The following DDC variants were observed in gnomAD, a reference collection of about 807,000 sequenced individuals.
DDC encodes the protein dopa decarboxylase, also known as aromatic-L-amino-acid decarboxylase.
Under a neutral mutation model 60.0 loss-of-function variants are expected in DDC, and 43 were observed. The ratio of observed to expected loss-of-function variants is 0.72; its 90% CI spans 0.56 to 0.92. The LOEUF (loss-of-function observed/expected upper bound fraction) is 0.92, where lower values mean the gene tolerates loss of function less well. Ranked by LOEUF, DDC falls within the 40% of genes least tolerant of loss-of-function variation. DDC has a pLI of 0.00. For synonymous variants in DDC, 232 were observed against 234.6 expected (o/e 0.99, Z 0.10); for missense variants, 573 against 620.2 (o/e 0.92, Z 0.81).
intron 1 of DDC, among the ~76,000 whole-genome samples, chr7:50,553,400 C>T (rs1400366671): frequency 2.6e-5 from 4 of 151,868 alleles, no homozygotes; most frequent in Non-Finnish European, 4.4e-5. Context: ...CAAGCATATA[C>T]TTATAAATCC....
intron 12 of DDC, among the ~76,000 whole-genome samples, chr7:50,468,846 A>T (rs1421179593): frequency 6.6e-6 from 1 of 152,044 alleles, no homozygotes; most frequent in Non-Finnish European, 1.5e-5. Flanking sequence ...AGAGAGAGCC[A>T]GCAGAACAGC....
intron 14 of DDC, among the ~76,000 whole-genome samples, chr7:50,462,790 G>GTTTTTGA (rs200827891): frequency 1.9e-5 from 1 of 52,684 alleles, no homozygotes; most frequent in African/African-American, 6.9e-5. Flanking sequence ...TTTTTTTTTT[G>GTTTTTGA]GACTGAGTCC....
At chr7:50,542,306 T>C (rs2044659080) in intron 2 of DDC, 1 of 152,214 alleles carries the variant, frequency 6.6e-6, no homozygotes, top group Non-Finnish European at 1.5e-5. Flanking sequence ...AGCAGCCCTG[T>C]GGCTGACTAG....
At position 50,495,426 on chromosome 7, in the gene DDC, G is replaced by A; in HGVS notation, c.877-9C>T. 1 of 1,598,326 alleles carries A rather than the reference G, an allele frequency of 6.3e-7. No individual in the cohort carries two copies. The highest frequency in any genetic ancestry group is 8.6e-7 in the Non-Finnish European group (1 of 1,166,600). On this transcript the variant is annotated splice_polypyrimidine_tract_variant and intron_variant, in intron 8 of 14. Coordinates refer to ENST00000444124, the MANE Select transcript of DDC (RefSeq NM_001082971.2). ...TTGAATGAATCTGCAAACTGCCAAA[G>A]AACAAGAGTAAGAAAAAGAAAACAT...
At position 50,522,597 on chromosome 7, in the gene DDC, C is replaced by T. The variant is rs148094020; in HGVS notation, c.714+5540G>A. Among the ~76,000 whole-genome samples, 690 of 152,218 alleles carry T rather than the reference C, an allele frequency of 4.5e-3. 3 individuals carry two copies. Among genetic ancestry groups the T allele is most frequent in the Non-Finnish European group, 7.8e-3 (528 of 68,004 alleles). On this transcript the variant is annotated intron_variant, in intron 6 of 14. Transcript: ENST00000444124. Reference sequence around the variant, plus strand: ...TAAATGAGTTGAACAGAAATAGATCCGCACAAATGAAGTCAACTGATCTTT... The same window carrying T: ...TAAATGAGTTGAACAGAAATAGATCTGCACAAATGAAGTCAACTGATCTTT...
intron 1 of DDC, among the ~76,000 whole-genome samples, chr7:50,547,868 A>G (rs2153551647): frequency 6.6e-6 from 1 of 152,312 alleles, no homozygotes; most frequent in South Asian, 2.1e-4. Context: ...ACCCCGTTTT[A>G]TTGCATTTTT....
intron 13 of DDC, among the ~76,000 whole-genome samples, chr7:50,465,014 C>A (rs1468439266): frequency 6.6e-6 from 1 of 152,134 alleles, no homozygotes; most frequent in Non-Finnish European, 1.5e-5. Context: ...CTGAAAAATG[C>A]CTTGGACTTC....
intron 10 of DDC, among the ~76,000 whole-genome samples, chr7:50,477,142 A>G (rs2042664032): frequency 6.6e-6 from 1 of 152,214 alleles, no homozygotes; most frequent in Non-Finnish European, 1.5e-5. Context: ...CACTCAGTGA[A>G]TATCTGCTGA....
chr7:50,559,723 C>T (rs2045295923), intron 1 of DDC, among the ~76,000 whole-genome samples: 1 of 152,234 alleles, frequency 6.6e-6, no homozygotes, highest in African/African-American at 2.4e-5. Context: ...CCACTGCGCC[C>T]AGCCGCAGAA....
intron 9 of DDC, among the ~76,000 whole-genome samples, chr7:50,493,265 T>C (rs532780027): frequency 6.6e-6 from 1 of 152,140 alleles, no homozygotes; most frequent in South Asian, 2.1e-4. Context: ...CACTGTTCTA[T>C]CCAGGCATTG....
chr7:50,463,456 T>C (rs771942153), intron 13 of DDC, 25 bp from the exon 14 acceptor site: 1 of 1,603,746 alleles, frequency 6.2e-7, no homozygotes. Flanking sequence ...AGAGAGGAAC[T>C]GTGCTCAGGT....
chr7:50,502,618 G>A (rs554915281), intron 7 of DDC, among the ~76,000 whole-genome samples: 2 of 152,292 alleles, frequency 1.3e-5, no homozygotes, highest in Non-Finnish European at 1.5e-5. Context: ...GGCTGTGCAC[G>A]ACCACTTCCC....
intron 6 of DDC, among the ~76,000 whole-genome samples, chr7:50,514,946 T>A (rs543905299): frequency 6.6e-6 from 1 of 152,152 alleles, no homozygotes; most frequent in Non-Finnish European, 1.5e-5. Flanking sequence ...GAATAATCAG[T>A]GTTCCCGAGG....
chr7:50,468,136 C>T (rs997743080), intron 12 of DDC, among the ~76,000 whole-genome samples: 6 of 152,376 alleles, frequency 3.9e-5, no homozygotes, highest in African/African-American at 7.2e-5. Flanking sequence ...GGAAACGCGG[C>T]GCCTCGCGGG....
intron 7 of DDC, among the ~76,000 whole-genome samples, chr7:50,501,652 T>C (rs908371501): frequency 1.3e-5 from 2 of 152,162 alleles, no homozygotes; most frequent in Non-Finnish European, 2.9e-5. Flanking sequence ...ACAGTCCCGC[T>C]TGGAGTTGGA....
intron 9 of DDC, among the ~76,000 whole-genome samples, chr7:50,481,218 T>C (rs576563716): frequency 6.6e-6 from 1 of 152,354 alleles, no homozygotes; most frequent in East Asian, 1.9e-4. Context: ...ATTTTTGTTT[T>C]AAGGTTAAAG....
chr7:50,475,140 A>G (rs1322949184), intron 11 of DDC, among the ~76,000 whole-genome samples: 1 of 152,246 alleles, frequency 6.6e-6, no homozygotes, highest in Non-Finnish European at 1.5e-5. Flanking sequence ...TCGTTTGTAC[A>G]GCACGTGGCC....
intron 1 of DDC, among the ~76,000 whole-genome samples, chr7:50,547,325 C>T (rs1184052012): frequency 6.6e-6 from 1 of 152,056 alleles, no homozygotes; most frequent in African/African-American, 2.4e-5. Context: ...ATTCTCCTGC[C>T]TCAGCCTCCC....
At chr7:50,480,460 A>G (rs1269721502) in intron 9 of DDC, among the ~76,000 whole-genome samples, 2 of 152,194 alleles carry the variant, frequency 1.3e-5, no homozygotes, top group African/African-American at 4.8e-5. Context: ...CTAGTAAGTT[A>G]CTGAACCTGG....
Sources: gnomAD v4.1 joint callset for allele counts (sites outside exome capture counted in the v4.1 genomes callset) on GRCh38, gnomAD v4.1.1 for gene constraint, MANE v1.5 for transcripts, NCBI Gene and HGNC (gene_info 2026-07-23, HGNC 2026-07-21) for gene names.